NBPF15: variants seen among roughly 807,000 people sequenced by gnomAD.
The protein encoded by NBPF15 is NBPF member 15, also known as NBPF family member NBPF15.
Under a neutral mutation model 62.2 loss-of-function variants are expected in NBPF15, and 74 were observed. The ratio of observed to expected loss-of-function variants is 1.19; its 90% CI spans 0.99 to 1.44. The LOEUF (loss-of-function observed/expected upper bound fraction) is 1.44, where lower values mean the gene tolerates loss of function less well. NBPF15 is among the 40% of genes most tolerant of loss of function. NBPF15 has a pLI of 0.00. For missense variants in NBPF15, 790 were observed against 550.0 expected (o/e 1.44, Z -4.36); for synonymous variants, 244 against 209.7 (o/e 1.16, Z -1.41).
Position 144,451,545 on chromosome 1 carries a change from C to T in NBPF15, c.-431-675G>A, listed in dbSNP as rs587693610. 1.2e-4 allele frequency among the ~76,000 whole-genome samples: 18 copies of T among 152,064 alleles called. No homozygotes were observed. In the South Asian group the frequency reaches 3.5e-3, roughly 30 times the overall value. On this transcript the variant is annotated intron_variant, in intron 4 of 21. Transcript: ENST00000581897. ...GAAACCTTGGACAATACCTGGCTTT[C>T]CTAGGCAGAGGTCCCTGCAGTCTTC...
Position 144,423,242 on chromosome 1 carries a change from A to T in NBPF15, c.1784T>A (p.Leu595Gln). The change falls in exon 22 of 22, where the codon CTG becomes CAG. Residue 595 changes from leucine (L) to glutamine (Q), a missense_variant. Physicochemically the swap from Leu to Gln is moderately radical, Grantham distance 113 (BLOSUM62 -2). Coordinates refer to ENST00000581897, the MANE Select transcript of NBPF15 (RefSeq NM_001385408.1). Reference protein sequence around the residue: ...NPPCPRLYGVLMEVEEPEVLQ... With the variant: ...NPPCPRLYGVQMEVEEPEVLQ... ...GACTTCAGGCTCTTCCACTTCCATC[A>T]GCACGCCGTAGAGCCTGGAAAAGGA... 6.2e-7 allele frequency: 1 copy of T among 1,611,596 alleles called. No homozygotes were observed. Among genetic ancestry groups the T allele is most frequent in the East Asian group, 2.2e-5 (1 of 44,872 alleles).
chr1:144,447,172 C>G (rs1278966447), intron 6 of NBPF15, among the ~76,000 whole-genome samples: 4 of 152,294 alleles, frequency 2.6e-5, no homozygotes, highest in African/African-American at 9.6e-5. Context: ...CAAATCCATG[C>G]AGCATCTCCC....
chr1:144,423,410 T>A (rs1254721991), intron 21 of NBPF15, among the ~76,000 whole-genome samples, 154 bp from the exon 22 acceptor site: 2 of 151,584 alleles, frequency 1.3e-5, no homozygotes, highest in East Asian at 3.9e-4. Flanking sequence ...GCCTTTATGT[T>A]GGGATAGAAC....
At chr1:144,445,336 T>TATATATATAC (rs1553543742) in intron 6 of NBPF15, among the ~76,000 whole-genome samples, 2 of 116,750 alleles carry the variant, frequency 1.7e-5, no homozygotes, top group African/African-American at 7.7e-5. Flanking sequence ...ACGGTGAATA[T>TATATATATAC]ATATATATAT....
chr1:144,457,623 G>C (rs1263594660), intron 3 of NBPF15, among the ~76,000 whole-genome samples: 3 of 151,946 alleles, frequency 2.0e-5, no homozygotes, highest in Admixed American at 6.6e-5. Flanking sequence ...GTCAAGTACT[G>C]AGAATACAGT....
chr1:144,438,816 G>C (rs1330221572), intron 8 of NBPF15, among the ~76,000 whole-genome samples: 4 of 151,980 alleles, frequency 2.6e-5, no homozygotes, highest in Non-Finnish European at 5.9e-5. Context: ...CTTGGATGGA[G>C]CCCAGTAGAC....
intron 3 of NBPF15, among the ~76,000 whole-genome samples, chr1:144,457,137 C>G (rs1248233221): frequency 2.6e-5 from 4 of 151,932 alleles, no homozygotes; most frequent in Admixed American, 2.0e-4. Context: ...GATGGCACCA[C>G]TGAACTCCAG....
chr1:144,459,292 A>G (rs1420600826), intron 3 of NBPF15, 74 bp downstream of exon 3: 4 of 152,044 alleles, frequency 2.6e-5, no homozygotes, highest in African/African-American at 9.7e-5. Context: ...GGAATTCCAG[A>G]CCAGCCTATG....
chr1:144,427,291 GT>G (rs1264459877), intron 16 of NBPF15, among the ~76,000 whole-genome samples, 193 bp from the exon 17 acceptor site: 1 of 140,498 alleles, frequency 7.1e-6, no homozygotes, highest in Non-Finnish European at 1.5e-5. Flanking sequence ...GAAACTGTGG[GT>G]AAAATTCCCT....
chr1:144,432,498 A>G (rs1675110812), intron 13 of NBPF15, among the ~76,000 whole-genome samples: 1 of 152,040 alleles, frequency 6.6e-6, no homozygotes, highest in Non-Finnish European at 1.5e-5. Context: ...GCCCCAGTTA[A>G]AAAACACAGA....
At chr1:144,453,909 T>TGTG in intron 4 of NBPF15, among the ~76,000 whole-genome samples, 1 of 132,772 alleles carries the variant, frequency 7.5e-6, no homozygotes, top group Non-Finnish European at 1.6e-5. Context: ...CAACTTAAGT[T>TGTG]CATTCAAAAT....
At chr1:144,460,026 CTTTT>C (rs150839897) in intron 2 of NBPF15, among the ~76,000 whole-genome samples, 4 of 19,548 alleles carry the variant, frequency 2.0e-4, no homozygotes, top group South Asian at 4.3e-3. Context: ...ATTACCTGTA[CTTTT>C]TTTTTTTTTT....
intron 2 of NBPF15, among the ~76,000 whole-genome samples, chr1:144,460,576 A>T (rs1652020814): frequency 6.6e-6 from 1 of 151,738 alleles, no homozygotes; most frequent in African/African-American, 2.4e-5. Context: ...TAACCTTGTG[A>T]AGCACTGGGA....
At chr1:144,449,596 G>C (rs190579506) in intron 5 of NBPF15, among the ~76,000 whole-genome samples, 27 of 152,120 alleles carry the variant, frequency 1.8e-4, no homozygotes, top group African/African-American at 6.0e-4. Flanking sequence ...TGAGGAAAAT[G>C]ATAAATAATA....
chr1:144,438,223 C>T (rs1680106404), intron 8 of NBPF15, among the ~76,000 whole-genome samples, 176 bp from the exon 9 acceptor site: 1 of 150,956 alleles, frequency 6.6e-6, no homozygotes, highest in African/African-American at 2.5e-5. Flanking sequence ...GCATCTGATC[C>T]TCCAAAATTT....
chr1:144,446,007 C>T (rs1687285135), intron 6 of NBPF15, among the ~76,000 whole-genome samples: 1 of 147,496 alleles, frequency 6.8e-6, no homozygotes, highest in East Asian at 2.0e-4. Flanking sequence ...AGGCACATGC[C>T]ACCATGCCTA....
At chr1:144,425,213 A>G (rs1223836617) in intron 19 of NBPF15, among the ~76,000 whole-genome samples, 1 of 116,792 alleles carries the variant, frequency 8.6e-6, no homozygotes. Flanking sequence ...CACACAGCAT[A>G]CAGTGATCAT....
At position 144,445,254 on chromosome 1, in the gene NBPF15, G is replaced by C. The variant is rs1327699556; in HGVS notation, c.-191+3521C>G. Among the ~76,000 whole-genome samples, 9 of 122,416 alleles carry C rather than the reference G, an allele frequency of 7.4e-5. No individual in the cohort carries two copies. The East Asian group carries it at 1.9e-3, about 27-fold the overall frequency. 80.3% of individuals were successfully genotyped at this position (122,416 alleles called of 152,430 possible). A position where few individuals can be genotyped will look rare whatever the true frequency, so the allele number is the denominator to read the frequency against. ...AATATGTATGTGTGTGTGTGTGTTT[G>C]TGTGTGTCTGTATATGTATATATAT... is the stretch of plus-strand genomic sequence containing the variant. On this transcript the variant is annotated intron_variant, in intron 6 of 21. Transcript: ENST00000581897.
At position 144,445,550 on chromosome 1, in the gene NBPF15, G is replaced by T. The variant is rs782517560; in HGVS notation, c.-191+3225C>A. On this transcript the variant is annotated intron_variant, in intron 6 of 21. Transcript: ENST00000581897. ...AGCTGTAGAGTAATTCTGGAAATAG[G>T]TAGTGAATTCATTCGCCATTATTCT... 1.6e-3 allele frequency among the ~76,000 whole-genome samples: 236 copies of T among 149,224 alleles called. 4 individuals carry two copies. Among genetic ancestry groups the T allele is most frequent in the Middle Eastern group, 6.8e-3 (2 of 292 alleles).
Sources: allele counts gnomAD v4.1 joint callset (sites outside exome capture counted in the v4.1 genomes callset), GRCh38; gene constraint gnomAD v4.1.1; transcripts MANE v1.5; gene names NCBI Gene and HGNC (gene_info 2026-07-23, HGNC 2026-07-21).